GRID2: variants seen among roughly 807,000 people sequenced by gnomAD.
GRID2 encodes glutamate receptor ionotropic, delta-2.
In GRID2, 33 loss-of-function variants were observed where a neutral mutation model predicts 114.8. That is an observed-to-expected ratio of 0.29 (90% CI 0.22 to 0.38). The LOEUF (loss-of-function observed/expected upper bound fraction) is 0.38. GRID2 is among the 10% of genes least tolerant of loss of function. The probability of loss-of-function intolerance (pLI) is 1.00; values close to 1 mark genes in which losing one functional copy is unlikely to be tolerated. For missense variants in GRID2, 1,184 were observed against 1,257.7 expected (o/e 0.94, Z 0.89); for synonymous variants, 505 against 449.9 (o/e 1.12, Z -1.55).
At chr4:93,064,395 G>T (rs1728082990) in intron 2 of GRID2, among the ~76,000 whole-genome samples, 1 of 151,636 alleles carries the variant, frequency 6.6e-6, no homozygotes, top group African/African-American at 2.4e-5. Context: ...AATTACAATA[G>T]AATTATAATT....
intron 9 of GRID2, among the ~76,000 whole-genome samples, chr4:93,398,280 C>T (rs1181223526): frequency 6.6e-6 from 1 of 150,674 alleles, no homozygotes; most frequent in Non-Finnish European, 1.5e-5. Context: ...GAATAACATG[C>T]AAGGAGCGAT....
At chr4:92,709,589 A>AAAAAAAT (rs779775767) in intron 2 of GRID2, among the ~76,000 whole-genome samples, 109 of 114,634 alleles carry the variant, frequency 9.5e-4, no homozygotes, top group South Asian at 1.6e-3. Context: ...AAAAAAAAAA[A>AAAAAAAT]ATATATATAT....
intron 2 of GRID2, among the ~76,000 whole-genome samples, chr4:93,071,693 G>A (rs1273448878): frequency 2.0e-5 from 3 of 152,062 alleles, no homozygotes; most frequent in South Asian, 2.1e-4. Context: ...AGCCAAAATA[G>A]AGTGAGAAAG....
At chr4:93,089,048 T>C (rs1463114283) in intron 3 of GRID2, among the ~76,000 whole-genome samples, 1 of 152,094 alleles carries the variant, frequency 6.6e-6, no homozygotes, top group Admixed American at 6.6e-5. Flanking sequence ...TTGTAGTAGT[T>C]ATTATTTTAT....
intron 4 of GRID2, among the ~76,000 whole-genome samples, chr4:93,117,443 T>C (rs964989590): frequency 1.3e-5 from 2 of 152,150 alleles, no homozygotes; most frequent in African/African-American, 4.8e-5. Context: ...TTAACTGATT[T>C]TGTTTTTTGC....
intron 1 of GRID2, among the ~76,000 whole-genome samples, chr4:92,379,736 G>A (rs890605496): frequency 1.3e-5 from 2 of 152,120 alleles, no homozygotes; most frequent in Admixed American, 6.6e-5. Context: ...GGCCTCCCAT[G>A]ATGCTGGTTT....
intron 1 of GRID2, among the ~76,000 whole-genome samples, chr4:92,378,873 AT>A (rs1239217845): frequency 6.6e-6 from 1 of 152,120 alleles, no homozygotes; most frequent in East Asian, 1.9e-4. Flanking sequence ...TATAAAATAT[AT>A]TTTTATGTGC....
rs528911177 is a variant in GRID2 at position 93,747,914 on chromosome 4, C to T, written c.2361-21296C>T. ...CATCTTATTCGTTCTCACATCGTCACCATGAGATAAGTACTATTTTTCAAC... is the reference window on the plus strand; with the variant it reads ...CATCTTATTCGTTCTCACATCGTCATCATGAGATAAGTACTATTTTTCAAC... On this transcript the variant is annotated intron_variant, in intron 14 of 15. Coordinates refer to ENST00000282020, the MANE Select transcript of GRID2 (RefSeq NM_001510.4). 3.9e-5 allele frequency among the ~76,000 whole-genome samples: 6 copies of T among 151,984 alleles called. No individual in the cohort carries two copies. The South Asian group carries it at 1.2e-3, about 32-fold the overall frequency.
At chr4:92,579,736 T>G (rs1221924193) in intron 1 of GRID2, among the ~76,000 whole-genome samples, 2 of 151,604 alleles carry the variant, frequency 1.3e-5, no homozygotes, top group African/African-American at 4.8e-5. Flanking sequence ...TTTTTCTTAG[T>G]ATGAATAAAA....
chr4:92,354,723 A>G (rs1278237663), intron 1 of GRID2, among the ~76,000 whole-genome samples: 1 of 151,992 alleles, frequency 6.6e-6, no homozygotes, highest in African/African-American at 2.4e-5. Context: ...AGTAAAACAA[A>G]CTTGGTTCAA....
intron 4 of GRID2, among the ~76,000 whole-genome samples, chr4:93,130,412 C>T (rs1256275365): frequency 6.6e-6 from 1 of 152,084 alleles, no homozygotes; most frequent in African/African-American, 2.4e-5. Context: ...CCACAGCAAT[C>T]CAGCCTGGAG....
chr4:93,590,618 A>G (rs1029432428), intron 13 of GRID2, among the ~76,000 whole-genome samples: 95 of 152,230 alleles, frequency 6.2e-4, no homozygotes, highest in Admixed American at 4.1e-3. Flanking sequence ...TGATGGGGAT[A>G]GCATTGAATC....
intron 2 of GRID2, among the ~76,000 whole-genome samples, chr4:93,011,567 C>G (rs1317617390): frequency 6.6e-6 from 1 of 152,010 alleles, no homozygotes; most frequent in African/African-American, 2.4e-5. Context: ...AAATACTTAC[C>G]ATTTCAGAGA....
intron 1 of GRID2, among the ~76,000 whole-genome samples, chr4:92,462,450 C>T (rs1385553134): frequency 6.6e-6 from 1 of 151,612 alleles, no homozygotes; most frequent in Non-Finnish European, 1.5e-5. Context: ...TGATTTTTTT[C>T]CAGTGGCTCT....
At chr4:92,305,460 G>C (rs1240355423) in intron 1 of GRID2, among the ~76,000 whole-genome samples, 1 of 152,186 alleles carries the variant, frequency 6.6e-6, no homozygotes, top group African/African-American at 2.4e-5. Flanking sequence ...GGGCGCTTGG[G>C]AAACGCGGGG....
intron 1 of GRID2, among the ~76,000 whole-genome samples, chr4:92,387,466 A>G (rs959435957): frequency 6.6e-6 from 1 of 151,960 alleles, no homozygotes; most frequent in African/African-American, 2.4e-5. Flanking sequence ...GCTTTCCAAT[A>G]TGCTCCTTAA....
intron 1 of GRID2, among the ~76,000 whole-genome samples, chr4:92,520,685 G>A (rs775954968): frequency 2.0e-5 from 3 of 151,866 alleles, no homozygotes; most frequent in Non-Finnish European, 4.4e-5. Flanking sequence ...TTCCCCCTTG[G>A]TAGTCAGGAT....
rs201955082 is a variant in GRID2 at position 92,990,279 on chromosome 4, ATGTGTG to A, written c.245-94712_245-94707del. Among the ~76,000 whole-genome samples, 366 of 96,992 alleles carry A rather than the reference ATGTGTG, an allele frequency of 3.8e-3. 9 individuals are homozygous for A. The highest frequency in any genetic ancestry group is 0.014 in the African/African-American group (359 of 26,180). 63.6% of individuals were successfully genotyped at this position (96,992 alleles called of 152,430 possible). A position where few individuals can be genotyped will look rare whatever the true frequency, so the allele number is the denominator to read the frequency against. ...TATGTATATATATATGTACGTAGAT[ATGTGTG>A]TGTATATATATATATATATATGTGT... is the stretch of plus-strand genomic sequence containing the variant. On this transcript the variant is annotated intron_variant, in intron 2 of 15. Transcript: ENST00000282020.
At chr4:92,928,705 G>T (rs922588353) in intron 2 of GRID2, among the ~76,000 whole-genome samples, 2 of 151,564 alleles carry the variant, frequency 1.3e-5, no homozygotes, top group African/African-American at 4.8e-5. Flanking sequence ...TGAACTAAAG[G>T]TCTGATCATT....
Sources: allele counts gnomAD v4.1 joint callset (sites outside exome capture counted in the v4.1 genomes callset), GRCh38; gene constraint gnomAD v4.1.1; transcripts MANE v1.5; gene names NCBI Gene and HGNC (gene_info 2026-07-23, HGNC 2026-07-21).